Variants in TNIK observed in about 807,000 individuals in gnomAD.
The protein encoded by TNIK is TRAF2 and NCK-interacting protein kinase.
Under a neutral mutation model 191.3 loss-of-function variants are expected in TNIK, and 49 were observed. That is an observed-to-expected ratio of 0.26 (90% CI 0.20 to 0.32). The LOEUF (loss-of-function observed/expected upper bound fraction) is 0.32, where lower values mean the gene tolerates loss of function less well. Among genes scored for constraint, TNIK ranks in the 10% least tolerant of loss-of-function variants. The pLI, the probability that TNIK is intolerant of heterozygous loss-of-function variation, is 1.00. For missense variants in TNIK, 1,155 were observed against 1,702.3 expected, an observed-to-expected ratio of 0.68 and a Z score of 5.66; for synonymous variants, 594 against 600.9, an observed-to-expected ratio of 0.99 and a Z score of 0.17.
intron 2 of TNIK, among the ~76,000 whole-genome samples, chr3:171,280,128 C>T (rs1255066362): frequency 6.6e-6 from 1 of 152,208 alleles, no homozygotes; most frequent in African/African-American, 2.4e-5. Context: ...CTATGTGGCA[C>T]TCATGAATGG....
chr3:171,116,229 G>A (rs994671313), intron 18 of TNIK, among the ~76,000 whole-genome samples: 10 of 152,144 alleles, frequency 6.6e-5, no homozygotes, highest in African/African-American at 1.9e-4. Flanking sequence ...TGGCCTTGGG[G>A]CTGTGGGGTC....
At chr3:171,275,828 C>T (rs565876132) in intron 2 of TNIK, among the ~76,000 whole-genome samples, 26 of 151,994 alleles carry the variant, frequency 1.7e-4, no homozygotes, top group Non-Finnish European at 2.2e-4. Flanking sequence ...ACCCGGGAGG[C>T]GGAGCTTGCA....
chr3:171,414,990 A>G (rs530818037), intron 1 of TNIK, among the ~76,000 whole-genome samples: 2 of 152,292 alleles, frequency 1.3e-5, no homozygotes, highest in East Asian at 1.9e-4. Context: ...CCTCTACTGT[A>G]CTTGGACAGT....
chr3:171,345,349 G>C (rs753244844), intron 2 of TNIK, among the ~76,000 whole-genome samples: 1 of 152,060 alleles, frequency 6.6e-6, no homozygotes, highest in Non-Finnish European at 1.5e-5. Flanking sequence ...ATTACATCTT[G>C]CCTGGAGAAG....
intron 2 of TNIK, among the ~76,000 whole-genome samples, chr3:171,347,437 A>ACAGGCT (rs71178207): frequency 0.19 from 28,165 of 151,490 alleles, 3,187 homozygotes; most frequent in Admixed American, 0.28. Context: ...AGAGAAGCCA[A>ACAGGCT]CAGGCTACAT....
At chr3:171,236,685 A>C (rs1006241184) in intron 2 of TNIK, among the ~76,000 whole-genome samples, 3 of 152,336 alleles carry the variant, frequency 2.0e-5, no homozygotes, top group Admixed American at 6.5e-5. Flanking sequence ...TTTCAAATCA[A>C]TAGCTCCCTC....
rs749127305 is a variant in TNIK, at chr3:171,188,685, C to T, written c.639+17G>A. On this transcript the variant is annotated intron_variant, in intron 7 of 32. Coordinates refer to ENST00000436636, the MANE Select transcript of TNIK (RefSeq NM_015028.4). ...AGATGGTAGGCATAGTTTTGAAACA[C>T]GACAAAGAAGCCATACCTTGAAATC... 82 of 1,611,910 alleles carry T rather than the reference C, an allele frequency of 5.1e-5. No homozygotes were observed. The highest frequency in any genetic ancestry group is 1.3e-4 in the African/African-American group (10 of 74,828).
At position 171,081,695 on chromosome 3, in the gene TNIK, C is replaced by CTT. The variant is rs11421700; in HGVS notation, c.3313+554_3313+555dup. 1.7e-3 allele frequency among the ~76,000 whole-genome samples: 240 copies of CTT among 143,806 alleles called. 1 individual carries two copies. Among genetic ancestry groups the CTT allele is most frequent in the African/African-American group, 5.7e-3 (222 of 39,212 alleles). 94.3% of individuals were successfully genotyped at this position (143,806 alleles called of 152,430 possible). On this transcript the variant is annotated intron_variant, in intron 27 of 32. Transcript: ENST00000436636. ...ACAAGGCCTTCACTTTAGTCTCCAT[C>CTT]TTTTTTTTTTTTTCCTATATAAGGC...
chr3:171,386,723 A>T (rs947573181), intron 1 of TNIK, among the ~76,000 whole-genome samples: 5 of 152,176 alleles, frequency 3.3e-5, no homozygotes, highest in Admixed American at 6.5e-5. Context: ...TAATAACATA[A>T]AAAAGGAAAT....
At chr3:171,260,026 C>A (rs1458810035) in intron 2 of TNIK, among the ~76,000 whole-genome samples, 3 of 152,108 alleles carry the variant, frequency 2.0e-5, no homozygotes, top group East Asian at 1.9e-4. Context: ...GCAAAAGAAC[C>A]CTGCTAAGTC....
chr3:171,160,028 G>C (rs1733762820), intron 11 of TNIK, among the ~76,000 whole-genome samples: 1 of 152,184 alleles, frequency 6.6e-6, no homozygotes, highest in African/African-American at 2.4e-5. Flanking sequence ...TAACCTTTTG[G>C]GTAAGCTTTT....
rs556375761 is a variant in TNIK, at chr3:171,202,458, A to G, written c.307-7823T>C. ...TCTTGATTGCTGAAGATTTTGAGAA[A>G]CACAATATAAATAGGAACATAGACT... On this transcript the variant is annotated intron_variant, in intron 4 of 32. Transcript: ENST00000436636. 4.6e-5 allele frequency among the ~76,000 whole-genome samples: 7 copies of G among 152,290 alleles called. No individual in the cohort carries two copies. In the South Asian group the frequency reaches 1.5e-3, roughly 32 times the overall value.
chr3:171,219,873 C>CTAGAA (rs1742067620), intron 3 of TNIK, among the ~76,000 whole-genome samples: 1 of 152,070 alleles, frequency 6.6e-6, no homozygotes, highest in South Asian at 2.1e-4. Flanking sequence ...ACCATTTGAC[C>CTAGAA]CAGCAATCCC....
chr3:171,394,659 A>G (rs1355240143), intron 1 of TNIK, among the ~76,000 whole-genome samples: 2 of 152,252 alleles, frequency 1.3e-5, no homozygotes, highest in African/African-American at 4.8e-5. Flanking sequence ...TTTAGAGATC[A>G]TCAGCAACCA....
At chr3:171,143,323 T>A in intron 12 of TNIK, among the ~76,000 whole-genome samples, 1 of 152,062 alleles carries the variant, frequency 6.6e-6, no homozygotes, top group Middle Eastern at 3.4e-3. Flanking sequence ...GGAGGGGATA[T>A]AAAAAAAACA....
At position 171,238,123 on chromosome 3, in the gene TNIK, T is replaced by C. The variant is rs149020723; in HGVS notation, c.124-9902A>G. 6.7e-3 allele frequency among the ~76,000 whole-genome samples: 1,013 copies of C among 152,296 alleles called. 7 individuals are homozygous for C. The highest frequency in any genetic ancestry group is 0.024 in the African/African-American group (977 of 41,564). ...CGATTGTGATTTCTGAGCAAAGACC[T>C]GCATATTGTTCTCTGGGAAGGAGGG... On this transcript the variant is annotated intron_variant, in intron 2 of 32. Coordinates refer to ENST00000436636, the MANE Select transcript of TNIK (RefSeq NM_015028.4).
intron 4 of TNIK, among the ~76,000 whole-genome samples, chr3:171,194,905 AGTAG>A (rs1738509355): frequency 6.6e-6 from 1 of 151,930 alleles, no homozygotes; most frequent in South Asian, 2.1e-4. Flanking sequence ...TTTTAATGGG[AGTAG>A]GTAGGTGACT....
chr3:171,347,222 A>AAAG, intron 2 of TNIK: 1 of 443,308 alleles, frequency 2.3e-6, no homozygotes. Context: ...TCATTTGCTG[A>AAAG]AAAAAAAAAA....
intron 21 of TNIK, among the ~76,000 whole-genome samples, chr3:171,104,818 C>T (rs1456599870): frequency 6.6e-6 from 1 of 152,034 alleles, no homozygotes; most frequent in Non-Finnish European, 1.5e-5. Flanking sequence ...GGGGGTTGAA[C>T]CCCTAGTTAT....
Sources: gnomAD v4.1 joint callset for allele counts (sites outside exome capture counted in the v4.1 genomes callset) on GRCh38, gnomAD v4.1.1 for gene constraint, MANE v1.5 for transcripts, NCBI Gene and HGNC (gene_info 2026-07-23, HGNC 2026-07-21) for gene names.